Variants in CHCHD3 observed in about 807,000 individuals in gnomAD.
CHCHD3 encodes the protein MICOS complex subunit MIC19.
CHCHD3 carries 20 observed loss-of-function variants against 38.2 expected under a neutral mutation model. That is an observed-to-expected ratio of 0.52 (90% CI 0.37 to 0.76). The LOEUF (loss-of-function observed/expected upper bound fraction) is 0.76, where lower values mean the gene tolerates loss of function less well. Among genes scored for constraint, CHCHD3 ranks in the 30% least tolerant of loss-of-function variants. The probability of loss-of-function intolerance (pLI) is 0.00; values close to 1 mark genes in which losing one functional copy is unlikely to be tolerated. For missense variants in CHCHD3, 245 were observed against 279.2 expected (o/e 0.88, Z 0.87); for synonymous variants, 82 against 100.0 (o/e 0.82, Z 1.07).
intron 2 of CHCHD3, among the ~76,000 whole-genome samples, chr7:133,048,978 T>C (rs967436339): frequency 1.8e-4 from 28 of 152,344 alleles, no homozygotes; most frequent in African/African-American, 6.5e-4. Context: ...ATCTTAGCAA[T>C]AGCTTTTCAA....
chr7:132,835,385 A>G (rs1585557249), intron 6 of CHCHD3, among the ~76,000 whole-genome samples: 1 of 152,270 alleles, frequency 6.6e-6, no homozygotes, highest in East Asian at 1.9e-4. Flanking sequence ...ATTTCTTACT[A>G]CACAGTTTGG....
intron 7 of CHCHD3, among the ~76,000 whole-genome samples, chr7:132,790,403 A>G: frequency 6.6e-6 from 1 of 152,358 alleles, no homozygotes; most frequent in East Asian, 1.9e-4. Flanking sequence ...ATTTAAAAAA[A>G]GAGAAAATGT....
At chr7:132,899,886 A>T (rs943594198) in intron 4 of CHCHD3, among the ~76,000 whole-genome samples, 1 of 152,186 alleles carries the variant, frequency 6.6e-6, no homozygotes, top group Admixed American at 6.5e-5. Context: ...TCTATTATTC[A>T]TTTGGAATCT....
At chr7:132,974,154 C>T (rs1174080420) in intron 4 of CHCHD3, 3 of 553,734 alleles carry the variant, frequency 5.4e-6, no homozygotes, top group Non-Finnish European at 8.3e-6. Flanking sequence ...TGAGGCTTAA[C>T]ACCATCTATA....
chr7:132,993,789 C>T (rs1373998181), intron 3 of CHCHD3, among the ~76,000 whole-genome samples: 1 of 152,216 alleles, frequency 6.6e-6, no homozygotes, highest in African/African-American at 2.4e-5. Context: ...GGAACAGTCA[C>T]AGAGACTGGG....
At chr7:132,898,593 C>T (rs558667261) in intron 4 of CHCHD3, among the ~76,000 whole-genome samples, 229 of 152,370 alleles carry the variant, frequency 1.5e-3, no homozygotes, top group South Asian at 5.2e-3. Flanking sequence ...GCCAGTCCCG[C>T]GCCGTGCGCC....
In CHCHD3 at chr7:133,012,133, A is replaced by AC. The variant is rs766703422; in HGVS notation, c.251+12412dup. On this transcript the variant is annotated intron_variant, in intron 3 of 7. Transcript: ENST00000262570. Reference sequence around the variant, plus strand: ...TGAGGAGAGAGCTTTTCTAAGGCAAACTATGTAAGGCAAACCTATGTAGGG... The same window carrying AC: ...TGAGGAGAGAGCTTTTCTAAGGCAAACCTATGTAAGGCAAACCTATGTAGGG... 2.6e-5 allele frequency among the ~76,000 whole-genome samples: 4 copies of AC among 152,308 alleles called. No homozygotes were observed. The East Asian group carries it at 5.8e-4, about 22-fold the overall frequency.
chr7:133,038,127 T>C (rs1813731337), intron 2 of CHCHD3, among the ~76,000 whole-genome samples: 1 of 152,196 alleles, frequency 6.6e-6, no homozygotes, highest in Non-Finnish European at 1.5e-5. Flanking sequence ...TATCTAAAAG[T>C]AGGTAGCACA....
intron 2 of CHCHD3, among the ~76,000 whole-genome samples, chr7:133,029,259 A>G (rs958037261): frequency 2.0e-5 from 3 of 152,192 alleles, no homozygotes; most frequent in Admixed American, 1.3e-4. Flanking sequence ...ATCGAGCACC[A>G]CACAGTTACC....
intron 4 of CHCHD3, among the ~76,000 whole-genome samples, chr7:132,892,702 A>G (rs1809394372): frequency 1.3e-5 from 2 of 152,130 alleles, no homozygotes; most frequent in African/African-American, 4.8e-5. Context: ...CAGCCTCAGG[A>G]CTTGGTGCCC....
intron 4 of CHCHD3, among the ~76,000 whole-genome samples, chr7:132,935,144 C>T (rs1810607143): frequency 6.6e-6 from 1 of 152,220 alleles, no homozygotes; most frequent in East Asian, 1.9e-4. Flanking sequence ...AATCCAATCA[C>T]TCACAAATGC....
intron 5 of CHCHD3, among the ~76,000 whole-genome samples, chr7:132,870,334 T>C (rs1808735698): frequency 7.5e-6 from 1 of 133,186 alleles, no homozygotes; most frequent in Non-Finnish European, 1.5e-5. Flanking sequence ...TGGGTGACAC[T>C]GCGAGACCTA....
chr7:132,948,544 T>C (rs1810956864), intron 4 of CHCHD3, among the ~76,000 whole-genome samples: 1 of 152,074 alleles, frequency 6.6e-6, no homozygotes, highest in Admixed American at 6.6e-5. Flanking sequence ...TCATGTGAAA[T>C]CGCAGTCAGT....
intron 3 of CHCHD3, among the ~76,000 whole-genome samples, chr7:133,018,853 C>G (rs1011357231): frequency 1.4e-5 from 2 of 147,370 alleles, no homozygotes; most frequent in Admixed American, 6.8e-5. Flanking sequence ...GTGAAAAGCA[C>G]CATGCTAGTT....
chr7:132,880,170 T>A (rs936904229), intron 5 of CHCHD3, among the ~76,000 whole-genome samples: 3 of 152,180 alleles, frequency 2.0e-5, no homozygotes, highest in African/African-American at 7.2e-5. Context: ...AGAATGAACA[T>A]CTTCAAGTTG....
At chr7:132,884,644 T>C (rs1014482518) in intron 5 of CHCHD3, among the ~76,000 whole-genome samples, 3 of 152,150 alleles carry the variant, frequency 2.0e-5, no homozygotes, top group African/African-American at 7.2e-5. Flanking sequence ...TTTCAACAAA[T>C]AAAATTTGGA....
At chr7:133,053,881 G>C (rs1170153938) in intron 2 of CHCHD3, among the ~76,000 whole-genome samples, 3 of 152,110 alleles carry the variant, frequency 2.0e-5, no homozygotes, top group African/African-American at 7.2e-5. Flanking sequence ...TTGCATGAAT[G>C]AACACACAAG....
chr7:132,936,708 T>C (rs1047902163), intron 4 of CHCHD3, among the ~76,000 whole-genome samples: 4 of 152,156 alleles, frequency 2.6e-5, no homozygotes, highest in African/African-American at 9.7e-5. Context: ...AAACCTAATA[T>C]CCAAAAAGGA....
chr7:133,034,946 C>A lies in CHCHD3; in HGVS notation c.170-10319G>T, dbSNP rs1247927122. Reference sequence around the variant, plus strand: ...GAGTGAGTTCTTCAGGGAAGCGATACTCTGAGTACCACAGGGACCAGCCGT... The same window carrying A: ...GAGTGAGTTCTTCAGGGAAGCGATAATCTGAGTACCACAGGGACCAGCCGT... On this transcript the variant is annotated intron_variant, in intron 2 of 7. Transcript: ENST00000262570. The A allele has an allele frequency of 2.5e-6, 4 of 1,601,824 alleles. 1 individual carries two copies. In the African/African-American group the frequency reaches 5.4e-5, roughly 21 times the overall value.
Sources: allele counts gnomAD v4.1 joint callset (sites outside exome capture counted in the v4.1 genomes callset), GRCh38; gene constraint gnomAD v4.1.1; transcripts MANE v1.5; gene names NCBI Gene and HGNC (gene_info 2026-07-23, HGNC 2026-07-21).